The following DACH1 variants were observed in gnomAD, a reference collection of about 807,000 sequenced individuals.
DACH1 encodes the protein dachshund family transcription factor 1.
A neutral mutation model predicts 54.2 loss-of-function variants in DACH1; 12 were observed. The observed-to-expected ratio is 0.22, with a 90% confidence interval of 0.14 to 0.36. The LOEUF (loss-of-function observed/expected upper bound fraction) is 0.36. DACH1 is among the 10% of genes least tolerant of loss of function. The pLI is 1.00. For synonymous variants in DACH1, 386 were observed against 366.2 expected, an observed-to-expected ratio of 1.05 and a Z score of -0.62; for missense variants, 805 against 929.8, an observed-to-expected ratio of 0.87 and a Z score of 1.75.
At chr13:71,565,859 A>G (rs1884865460) in intron 4 of DACH1, among the ~76,000 whole-genome samples, 2 of 152,204 alleles carry the variant, frequency 1.3e-5, no homozygotes, top group Non-Finnish European at 2.9e-5. Flanking sequence ...ATGAAAATTC[A>G]CATAGCCTTG....
chr13:71,687,543 CT>C (rs1290010002), intron 1 of DACH1, among the ~76,000 whole-genome samples: 1 of 151,976 alleles, frequency 6.6e-6, no homozygotes, highest in Admixed American at 6.6e-5. Flanking sequence ...TGGAGAGTTA[CT>C]TTTTTTTACA....
intron 1 of DACH1, among the ~76,000 whole-genome samples, chr13:71,803,475 C>A (rs544604392): frequency 6.6e-6 from 1 of 152,170 alleles, no homozygotes; most frequent in South Asian, 2.1e-4. Context: ...TTATATGCGA[C>A]CAAGTTCAAG....
At chr13:71,712,884 T>C (rs76148408) in intron 1 of DACH1, among the ~76,000 whole-genome samples, 2,995 of 152,216 alleles carry the variant, frequency 0.02, 77 homozygotes, top group African/African-American at 0.056. Context: ...TAAACACTTA[T>C]AGCAATGACT....
intron 6 of DACH1, among the ~76,000 whole-genome samples, chr13:71,540,517 G>A (rs2138329195): frequency 6.6e-6 from 1 of 151,980 alleles, no homozygotes; most frequent in Non-Finnish European, 1.5e-5. Flanking sequence ...AAATGCCTTT[G>A]GTCATGTCAT....
intron 3 of DACH1, among the ~76,000 whole-genome samples, chr13:71,580,538 T>C (rs1029264028): frequency 1.3e-5 from 2 of 152,230 alleles, no homozygotes; most frequent in Non-Finnish European, 2.9e-5. Flanking sequence ...TTTTATACAA[T>C]GTTATCAGTT....
At chr13:71,573,399 C>T (rs1200737157) in intron 3 of DACH1, 2 of 714,226 alleles carry the variant, frequency 2.8e-6, no homozygotes, top group East Asian at 2.7e-5. Context: ...ATTTTTAATA[C>T]TAAAGAATGC....
At chr13:71,833,200 G>C (rs558492478) in intron 1 of DACH1, among the ~76,000 whole-genome samples, 1 of 152,000 alleles carries the variant, frequency 6.6e-6, no homozygotes, top group South Asian at 2.1e-4. Flanking sequence ...GGGATGCTCA[G>C]TGAGAAATAC....
chr13:71,519,269 A>G (rs943497182), intron 6 of DACH1, among the ~76,000 whole-genome samples: 2 of 151,856 alleles, frequency 1.3e-5, no homozygotes, highest in East Asian at 3.9e-4. Context: ...CATTATTTCA[A>G]TTAGCTCTAA....
chr13:71,585,168 C>T (rs1873142139), intron 3 of DACH1, among the ~76,000 whole-genome samples: 1 of 151,820 alleles, frequency 6.6e-6, no homozygotes, highest in Non-Finnish European at 1.5e-5. Context: ...ACTTTATATC[C>T]TCATGGAGTT....
chr13:71,644,368 G>C (rs377054743), intron 2 of DACH1, among the ~76,000 whole-genome samples: 1 of 152,148 alleles, frequency 6.6e-6, no homozygotes, highest in Non-Finnish European at 1.5e-5. Context: ...TTTTATATCA[G>C]TATTTTCTAG....
intron 3 of DACH1, among the ~76,000 whole-genome samples, chr13:71,597,808 G>T (rs542528962): frequency 6.6e-6 from 1 of 152,218 alleles, no homozygotes; most frequent in South Asian, 2.1e-4. Flanking sequence ...TTAACAAGAG[G>T]ATAATTGTTT....
intron 1 of DACH1, among the ~76,000 whole-genome samples, chr13:71,823,302 T>C (rs1028562130): frequency 6.6e-6 from 1 of 152,088 alleles, no homozygotes; most frequent in Non-Finnish European, 1.5e-5. Flanking sequence ...AGGGTCAATG[T>C]GTTCAGAGTG....
chr13:71,756,594 C>T (rs1410786789), intron 1 of DACH1, among the ~76,000 whole-genome samples: 1 of 151,566 alleles, frequency 6.6e-6, no homozygotes, highest in Non-Finnish European at 1.5e-5. Flanking sequence ...ACTGTATTGG[C>T]AATCACAGAA....
intron 1 of DACH1, among the ~76,000 whole-genome samples, chr13:71,816,222 CAG>C (rs1308849150): frequency 1.3e-5 from 2 of 152,058 alleles, no homozygotes; most frequent in African/African-American, 4.8e-5. Context: ...GAAACACAGT[CAG>C]GGGTTTCTTT....
rs149155690 is a variant in DACH1 at position 71,681,749 on chromosome 13, T to G, written c.964+46A>C. Reference sequence around the variant, plus strand: ...CAGATATATATAAAAGCTACGACATTGGCTGATTTTTAATATTTTTTGGCA... The same window carrying G: ...CAGATATATATAAAAGCTACGACATGGGCTGATTTTTAATATTTTTTGGCA... On this transcript the variant is annotated intron_variant, in intron 2 of 10. Transcript: ENST00000613252. 306 of 1,394,864 alleles carry G rather than the reference T, an allele frequency of 2.2e-4. No individual in the cohort carries two copies. In the African/African-American group the frequency reaches 3.5e-3, roughly 16 times the overall value. 86.4% of individuals were successfully genotyped at this position (1,394,864 alleles called of 1,614,324 possible).
chr13:71,856,422 C>T (rs1874005924), intron 1 of DACH1, among the ~76,000 whole-genome samples: 1 of 151,916 alleles, frequency 6.6e-6, no homozygotes, highest in Non-Finnish European at 1.5e-5. Flanking sequence ...ACACACTTAT[C>T]AGAGCATTCT....
At chr13:71,688,442 T>C (rs571429109) in intron 1 of DACH1, among the ~76,000 whole-genome samples, 1 of 152,320 alleles carries the variant, frequency 6.6e-6, no homozygotes, top group Non-Finnish European at 1.5e-5. Flanking sequence ...CTAATGCAAA[T>C]TTTTTCCTAT....
intron 1 of DACH1, among the ~76,000 whole-genome samples, chr13:71,851,255 C>T (rs1873640253): frequency 6.6e-6 from 1 of 152,072 alleles, no homozygotes; most frequent in Admixed American, 6.6e-5. Context: ...GTTTTTGTTT[C>T]AAAACTTTGG....
chr13:71,719,270 C>A (rs772463358), intron 1 of DACH1, among the ~76,000 whole-genome samples: 7 of 152,142 alleles, frequency 4.6e-5, no homozygotes, highest in Non-Finnish European at 8.8e-5. Context: ...CCTTTGTAGG[C>A]CACCTTTGAA....
Sources: allele counts gnomAD v4.1 joint callset (sites outside exome capture counted in the v4.1 genomes callset), GRCh38; gene constraint gnomAD v4.1.1; transcripts MANE v1.5; gene names NCBI Gene and HGNC (gene_info 2026-07-23, HGNC 2026-07-21).